TUT4: variants seen among roughly 807,000 people sequenced by gnomAD.
TUT4 encodes terminal uridylyl transferase 4.
A neutral mutation model predicts 192.2 loss-of-function variants in TUT4; 36 were observed. The observed-to-expected ratio is 0.19, with a 90% CI of 0.14 to 0.25. TUT4 has a LOEUF of 0.25. TUT4 is among the 10% of genes least tolerant of loss of function. The pLI, the probability that TUT4 is intolerant of heterozygous loss-of-function variation, is 1.00. For missense variants in TUT4, 1,493 were observed against 1,957.2 expected (o/e 0.76, Z 4.47); for synonymous variants, 618 against 666.0 (o/e 0.93, Z 1.11).
intron 1 of TUT4, among the ~76,000 whole-genome samples, chr1:52,545,823 AAAT>A (rs1252831693): frequency 1.3e-5 from 2 of 151,866 alleles, no homozygotes; most frequent in East Asian, 1.9e-4. Context: ...AAGGTGTCAA[AAAT>A]AATAATAATA....
At chr1:52,530,965 T>C (rs953803339) in intron 1 of TUT4, among the ~76,000 whole-genome samples, 4 of 152,038 alleles carry the variant, frequency 2.6e-5, no homozygotes, top group South Asian at 2.1e-4. Context: ...ATAGCACCAC[T>C]GCACTCCAGG....
At chr1:52,470,873 T>C (rs1263016210) in intron 14 of TUT4, among the ~76,000 whole-genome samples, 1 of 152,142 alleles carries the variant, frequency 6.6e-6, no homozygotes, top group Non-Finnish European at 1.5e-5. Context: ...CCAGGTACTC[T>C]GTAAACGTTT....
Position 52,493,598 on chromosome 1 carries a change from A to G in TUT4, c.1318+13T>C. The stretch of plus-strand genomic sequence containing the variant: ...TAAAAAAAAAAAAGAAAAGAAAAAG[A>G]AAAGAAACTCACCATTTTTCTTTAA... On this transcript the variant is annotated intron_variant, in intron 7 of 29. Coordinates refer to ENST00000257177, the MANE Select transcript of TUT4 (RefSeq NM_001009881.3). 6.9e-7 allele frequency: 1 copy of G among 1,457,496 alleles called. No homozygotes were observed. The highest frequency in any genetic ancestry group is 9.4e-7 in the Non-Finnish European group (1 of 1,067,098). The allele number at this position is 1,457,496 out of a possible 1,614,324, so 90.3% of individuals were successfully genotyped here.
chr1:52,550,803 AG>A (rs1284945447), intron 1 of TUT4, among the ~76,000 whole-genome samples: 1 of 151,772 alleles, frequency 6.6e-6, no homozygotes, highest in Non-Finnish European at 1.5e-5. Context: ...CAGGCCCTAC[AG>A]GTAAGTGTTG....
At chr1:52,489,398 G>C (rs1670592817) in intron 8 of TUT4, among the ~76,000 whole-genome samples, 1 of 152,138 alleles carries the variant, frequency 6.6e-6, no homozygotes, top group South Asian at 2.1e-4. Flanking sequence ...AATAGTGCAA[G>C]GTAATTTCCT....
chr1:52,464,880 C>A, intron 16 of TUT4, 190 bp downstream of exon 16: 1 of 420,446 alleles, frequency 2.4e-6, no homozygotes, highest in Non-Finnish European at 4.2e-6. Context: ...ATTACTGAAA[C>A]ACTTTTACTT....
intron 1 of TUT4, among the ~76,000 whole-genome samples, chr1:52,535,322 T>A (rs1684617063): frequency 1.3e-5 from 2 of 152,186 alleles, no homozygotes; most frequent in African/African-American, 4.8e-5. Flanking sequence ...CCTAGGTGAT[T>A]TCCTCAACTC....
At chr1:52,466,659 A>AAT (rs1347144486) in intron 15 of TUT4, among the ~76,000 whole-genome samples, 60 of 129,596 alleles carry the variant, frequency 4.6e-4, no homozygotes, top group Middle Eastern at 4.0e-3. Context: ...AAAAAAAAAA[A>AAT]ATATATATAT....
At chr1:52,511,973 G>A (rs1306685268) in intron 3 of TUT4, among the ~76,000 whole-genome samples, 1 of 151,510 alleles carries the variant, frequency 6.6e-6, no homozygotes, top group Middle Eastern at 3.2e-3. Flanking sequence ...TGGTGAAGGT[G>A]GTAAAAAGAG....
intron 1 of TUT4, among the ~76,000 whole-genome samples, chr1:52,542,224 C>T (rs1246173529): frequency 6.6e-6 from 1 of 152,106 alleles, no homozygotes; most frequent in African/African-American, 2.4e-5. Context: ...TTGACGGGTA[C>T]AGAGTTTCAG....
intron 1 of TUT4, among the ~76,000 whole-genome samples, chr1:52,543,897 A>G (rs1687383811): frequency 6.6e-6 from 1 of 152,174 alleles, no homozygotes; most frequent in African/African-American, 2.4e-5. Context: ...CCTAAAATTC[A>G]CATGGAATCT....
At chr1:52,460,159 T>C (rs1049577158) in intron 19 of TUT4, among the ~76,000 whole-genome samples, 2 of 152,130 alleles carry the variant, frequency 1.3e-5, no homozygotes, top group Non-Finnish European at 2.9e-5. Context: ...TTTTCTAAGA[T>C]ACACTCTTGT....
intron 1 of TUT4, among the ~76,000 whole-genome samples, chr1:52,537,638 C>T (rs1432602485): frequency 6.6e-6 from 1 of 152,152 alleles, no homozygotes; most frequent in Non-Finnish European, 1.5e-5. Context: ...ACTGGCTCAG[C>T]GCGGTGGCTC....
intron 24 of TUT4, 41 bp from the exon 25 acceptor site, chr1:52,438,376 A>T (rs200716400): frequency 7.0e-7 from 1 of 1,426,644 alleles, no homozygotes; most frequent in East Asian, 2.3e-5. Flanking sequence ...AATCACTATA[A>T]AACTTTTGAA....
At chr1:52,451,332 T>A (rs1285670818) in intron 20 of TUT4, among the ~76,000 whole-genome samples, 3 of 152,050 alleles carry the variant, frequency 2.0e-5, no homozygotes, top group Non-Finnish European at 2.9e-5. Context: ...CAGGCCTAAT[T>A]AATTTATGGT....
chr1:52,451,079 C>T (rs2148533194), intron 20 of TUT4, among the ~76,000 whole-genome samples: 1 of 152,148 alleles, frequency 6.6e-6, no homozygotes, highest in Non-Finnish European at 1.5e-5. Flanking sequence ...TCCTGGCTAA[C>T]ACGGTGAAAC....
chr1:52,493,491 C>A, intron 7 of TUT4, 120 bp downstream of exon 7: 2 of 646,298 alleles, frequency 3.1e-6, no homozygotes, highest in Admixed American at 3.3e-5. Context: ...ATTTGTAATG[C>A]AATGACTCAA....
At chr1:52,543,714 C>T (rs1013805708) in intron 1 of TUT4, among the ~76,000 whole-genome samples, 3 of 151,828 alleles carry the variant, frequency 2.0e-5, no homozygotes, top group Non-Finnish European at 2.9e-5. Flanking sequence ...GAACTCCTGA[C>T]CTCAGGTAAT....
chr1:52,434,741 C>T (rs1183329935), intron 27 of TUT4: 1 of 148,920 alleles, frequency 6.7e-6, no homozygotes, highest in East Asian at 1.9e-4. Context: ...GAGATGGAGA[C>T]AGAATTGCAT....
Sources: allele counts gnomAD v4.1 joint callset (sites outside exome capture counted in the v4.1 genomes callset), GRCh38; gene constraint gnomAD v4.1.1; transcripts MANE v1.5; gene names NCBI Gene and HGNC (gene_info 2026-07-23, HGNC 2026-07-21).